NXPH2: variants seen among roughly 807,000 people sequenced by gnomAD.
The protein encoded by NXPH2 is neurexophilin 2.
A neutral mutation model predicts 19.8 loss-of-function variants in NXPH2; 5 were observed. That is an observed-to-expected ratio of 0.25 (90% CI 0.13 to 0.53). The LOEUF (loss-of-function observed/expected upper bound fraction) is 0.53, where lower values mean the gene tolerates loss of function less well. NXPH2 is among the 20% of genes least tolerant of loss of function. NXPH2 has a pLI of 0.96. For missense variants in NXPH2, 289 were observed against 322.8 expected, an observed-to-expected ratio of 0.90 and a Z score of 0.80; for synonymous variants, 154 against 127.4, an observed-to-expected ratio of 1.21 and a Z score of -1.41.
At chr2:138,723,240 T>C (rs1026782914) in intron 1 of NXPH2, among the ~76,000 whole-genome samples, 3 of 152,164 alleles carry the variant, frequency 2.0e-5, no homozygotes, top group Non-Finnish European at 2.9e-5. Flanking sequence ...GGAACTTTAA[T>C]GAAGCCTTGA....
chr2:138,716,391 C>T (rs1001778880), intron 1 of NXPH2, among the ~76,000 whole-genome samples: 3 of 152,108 alleles, frequency 2.0e-5, no homozygotes, highest in African/African-American at 4.8e-5. Context: ...GACTAGAGCT[C>T]CCTCTCTCTG....
chr2:138,712,508 C>T (rs1435521307), intron 1 of NXPH2, among the ~76,000 whole-genome samples: 2 of 152,138 alleles, frequency 1.3e-5, no homozygotes, highest in Admixed American at 6.5e-5. Context: ...CAACATTGCC[C>T]CCCACCCTGG....
At chr2:138,707,469 A>C (rs1033249186) in intron 1 of NXPH2, among the ~76,000 whole-genome samples, 1 of 152,166 alleles carries the variant, frequency 6.6e-6, no homozygotes, top group Non-Finnish European at 1.5e-5. Flanking sequence ...CTTCTACTAC[A>C]CTGTGAGTTG....
chr2:138,699,066 T>A (rs1236772434), intron 1 of NXPH2, among the ~76,000 whole-genome samples: 4 of 151,994 alleles, frequency 2.6e-5, no homozygotes, highest in Non-Finnish European at 4.4e-5. Flanking sequence ...AATGAAAAAA[T>A]TATTGAAAAT....
At chr2:138,759,071 ACT>A (rs1314162033) in intron 1 of NXPH2, among the ~76,000 whole-genome samples, 2 of 151,742 alleles carry the variant, frequency 1.3e-5, no homozygotes, top group African/African-American at 2.4e-5. Context: ...ACTTCAAAAG[ACT>A]CTGGTGCATC....
At chr2:138,766,342 A>G (rs1558932640) in intron 1 of NXPH2, among the ~76,000 whole-genome samples, 1 of 152,330 alleles carries the variant, frequency 6.6e-6, no homozygotes, top group East Asian at 1.9e-4. Flanking sequence ...CTTCTCGCAT[A>G]GCCAGAAATC....
intron 1 of NXPH2, among the ~76,000 whole-genome samples, chr2:138,709,339 A>G (rs1041020060): frequency 1.3e-5 from 2 of 152,196 alleles, no homozygotes; most frequent in African/African-American, 2.4e-5. Flanking sequence ...AGAGATAACA[A>G]AATTTGTCAT....
chr2:138,780,141 G>A, intron 1 of NXPH2, 50 bp downstream of exon 1: 1 of 1,463,900 alleles, frequency 6.8e-7, no homozygotes. Flanking sequence ...CGGTTTTCCC[G>A]CCGAAACGCG....
At chr2:138,716,454 C>T (rs149132696) in intron 1 of NXPH2, among the ~76,000 whole-genome samples, 1 of 152,270 alleles carries the variant, frequency 6.6e-6, no homozygotes, top group Non-Finnish European at 1.5e-5. Context: ...GAAGAATACT[C>T]TCACCATACA....
chr2:138,762,873 C>A (rs1451524201), intron 1 of NXPH2, among the ~76,000 whole-genome samples: 1 of 152,166 alleles, frequency 6.6e-6, no homozygotes, highest in Non-Finnish European at 1.5e-5. Flanking sequence ...TCCATACAGA[C>A]CAAGCTTGGC....
At position 138,676,655 on chromosome 2, in the gene NXPH2, C is replaced by G. The variant is rs774734259; in HGVS notation, c.52-4990G>C. ...TGGCTGTAAGGACTAAAAGAATGGA[C>G]GGAAATTACTGGGCCTATTAAGGCA... On this transcript the variant is annotated intron_variant, in intron 1 of 1. Transcript: ENST00000272641. Among the ~76,000 whole-genome samples the G allele has an allele frequency of 3.3e-5, 5 of 152,134 alleles. No individual in the cohort carries two copies. The South Asian group carries it at 6.2e-4, about 19-fold the overall frequency.
intron 1 of NXPH2, among the ~76,000 whole-genome samples, chr2:138,740,220 T>C (rs562795556): frequency 7.2e-4 from 110 of 152,306 alleles, no homozygotes; most frequent in Non-Finnish European, 1.3e-3. Context: ...GTTTAGTAAC[T>C]GGGCCTTGGG....
intron 1 of NXPH2, among the ~76,000 whole-genome samples, chr2:138,700,846 G>A (rs1680910811): frequency 2.0e-5 from 3 of 152,034 alleles, no homozygotes; most frequent in Admixed American, 1.3e-4. Flanking sequence ...GTTCATATCG[G>A]TGGTTGAACC....
At chr2:138,731,006 T>C (rs570543184) in intron 1 of NXPH2, among the ~76,000 whole-genome samples, 38 of 152,318 alleles carry the variant, frequency 2.5e-4, no homozygotes, top group African/African-American at 9.1e-4. Flanking sequence ...CCTCCTTAGA[T>C]AGGCCTCCTC....
chr2:138,684,457 T>C (rs1680619552), intron 1 of NXPH2, among the ~76,000 whole-genome samples: 1 of 152,180 alleles, frequency 6.6e-6, no homozygotes, highest in Non-Finnish European at 1.5e-5. Flanking sequence ...CTGTTAACAT[T>C]TTAATATTTA....
intron 1 of NXPH2, among the ~76,000 whole-genome samples, chr2:138,754,093 C>T (rs1681865296): frequency 1.3e-5 from 2 of 152,070 alleles, no homozygotes; most frequent in Non-Finnish European, 2.9e-5. Flanking sequence ...CCCAGCCTCC[C>T]AAATACCTGG....
intron 1 of NXPH2, among the ~76,000 whole-genome samples, chr2:138,775,556 G>A (rs1349143105): frequency 2.6e-5 from 4 of 152,030 alleles, no homozygotes; most frequent in Admixed American, 6.6e-5. Context: ...TACTTATGAC[G>A]AAATAGTGTT....
In NXPH2 at chr2:138,780,193, G is replaced by A. The variant is rs1329053040; in HGVS notation, c.49C>T (p.Leu17=). The A allele has an allele frequency of 2.7e-6, 4 of 1,490,582 alleles. No individual in the cohort carries two copies. Among genetic ancestry groups the A allele is most frequent in the Non-Finnish European group, 3.5e-6 (4 of 1,128,732 alleles). 92.3% of individuals were successfully genotyped at this position (1,490,582 alleles called of 1,614,324 possible). ...PLVVVPGLLQ[L]LFCDSKEVVH... is the part of the protein sequence containing the mutation. ...CGGCGCGCGGGCCGGGCACTCACCA[G>A]CTGCAGCAAGCCAGGGACCACCACG... The change falls in exon 1 of 2, where the codon CTG becomes TTG. Residue 17 remains leucine (L), a splice_region_variant and synonymous_variant. Transcript: ENST00000272641.
rs1391075349 is a variant in NXPH2 at position 138,669,276 on chromosome 2, A to G, written c.*1646T>C. ...ATATATGATTCCCACATATTTTACA[A>G]TAAATAATATTTTACTCTTGTTTCT... is the stretch of plus-strand genomic sequence containing the variant. On this transcript the variant is annotated 3_prime_UTR_variant, in exon 2 of 2. Coordinates refer to ENST00000272641, the MANE Select transcript of NXPH2 (RefSeq NM_007226.3). 2.6e-5 allele frequency among the ~76,000 whole-genome samples: 4 copies of G among 152,172 alleles called. No homozygotes were observed. Among genetic ancestry groups the G allele is most frequent in the African/African-American group, 7.2e-5 (3 of 41,444 alleles).
Sources: gnomAD v4.1 joint callset for allele counts (sites outside exome capture counted in the v4.1 genomes callset) on GRCh38, gnomAD v4.1.1 for gene constraint, MANE v1.5 for transcripts, NCBI Gene and HGNC (gene_info 2026-07-23, HGNC 2026-07-21) for gene names.